The following CTNNA3 variants were observed in gnomAD, a reference collection of about 807,000 sequenced individuals.
CTNNA3 encodes catenin alpha-3.
In CTNNA3, 76 loss-of-function variants were observed where a neutral mutation model predicts 95.7. The ratio of observed to expected loss-of-function variants is 0.79; its 90% CI spans 0.66 to 0.96. The LOEUF is 0.96. CTNNA3 is among the 40% of genes least tolerant of loss of function. The probability of loss-of-function intolerance (pLI) is 0.00; values close to 1 mark genes in which losing one functional copy is unlikely to be tolerated. For missense variants in CTNNA3, 1,191 were observed against 1,089.8 expected (o/e 1.09, Z -1.31); for synonymous variants, 431 against 374.4 (o/e 1.15, Z -1.74).
chr10:66,862,515 T>C (rs1232336686), intron 7 of CTNNA3, among the ~76,000 whole-genome samples: 2 of 152,042 alleles, frequency 1.3e-5, no homozygotes, highest in African/African-American at 4.8e-5. Flanking sequence ...GGAGGGGATA[T>C]GGAACAGAGA....
At chr10:66,518,365 A>G (rs1840936966) in intron 11 of CTNNA3, among the ~76,000 whole-genome samples, 1 of 152,138 alleles carries the variant, frequency 6.6e-6, no homozygotes, top group Non-Finnish European at 1.5e-5. Context: ...ATGTGCTGTC[A>G]GTATTACTAT....
intron 7 of CTNNA3, among the ~76,000 whole-genome samples, chr10:66,779,348 TTC>T (rs1180747984): frequency 1.1e-4 from 2 of 18,824 alleles, no homozygotes; most frequent in Admixed American, 7.7e-4. Context: ...CTTCTTTCTT[TTC>T]TTTCTTTTCT....
At chr10:66,726,597 G>A (rs979300716) in intron 9 of CTNNA3, among the ~76,000 whole-genome samples, 48 of 152,038 alleles carry the variant, frequency 3.2e-4, no homozygotes, top group African/African-American at 1.1e-3. Context: ...GACAAGGTAA[G>A]AGCTAAAAGT....
intron 9 of CTNNA3, among the ~76,000 whole-genome samples, chr10:66,674,105 T>C (rs1846761260): frequency 2.0e-5 from 3 of 152,010 alleles, no homozygotes; most frequent in Admixed American, 2.0e-4. Context: ...ATCAATTCCA[T>C]CTATTCTTAT....
chr10:66,097,657 A>G (rs901026553), intron 14 of CTNNA3, among the ~76,000 whole-genome samples: 3 of 152,082 alleles, frequency 2.0e-5, no homozygotes, highest in Non-Finnish European at 4.4e-5. Flanking sequence ...TTGCTCACCT[A>G]TTCTATTCCC....
intron 7 of CTNNA3, among the ~76,000 whole-genome samples, chr10:67,166,531 T>A (rs1055722396): frequency 6.6e-6 from 1 of 152,230 alleles, no homozygotes; most frequent in Non-Finnish European, 1.5e-5. Context: ...CTATTCTTTG[T>A]AATAGAATCC....
intron 5 of CTNNA3, among the ~76,000 whole-genome samples, chr10:67,338,699 T>A (rs1842076873): frequency 6.6e-6 from 1 of 152,130 alleles, no homozygotes; most frequent in Admixed American, 6.5e-5. Flanking sequence ...CATGAAGCAA[T>A]TGTGTATAAG....
chr10:66,278,193 A>AC (rs1300880676), intron 13 of CTNNA3, among the ~76,000 whole-genome samples: 4 of 148,034 alleles, frequency 2.7e-5, no homozygotes, highest in Non-Finnish European at 6.0e-5. Context: ...TACAAGATAA[A>AC]AAAAAGGAAA....
intron 13 of CTNNA3, among the ~76,000 whole-genome samples, chr10:66,259,148 C>A (rs2090902297): frequency 1.3e-5 from 2 of 152,146 alleles, no homozygotes; most frequent in African/African-American, 2.4e-5. Flanking sequence ...GATGACTATG[C>A]AATCCCAATA....
At chr10:66,453,467 G>A (rs998077220) in intron 11 of CTNNA3, among the ~76,000 whole-genome samples, 1 of 152,220 alleles carries the variant, frequency 6.6e-6, no homozygotes, top group Non-Finnish European at 1.5e-5. Flanking sequence ...TTTGGCTGGA[G>A]ATCCGGCCAG....
At chr10:67,714,906 G>A (rs978089903) in intron 1 of CTNNA3, among the ~76,000 whole-genome samples, 4 of 152,188 alleles carry the variant, frequency 2.6e-5, no homozygotes, top group African/African-American at 9.6e-5. Flanking sequence ...CACCATGTGA[G>A]ACATGTCTTT....
rs1344070839 is a variant in CTNNA3 at position 66,381,854 on chromosome 10, T to C, written c.1532-2502A>G. Reference sequence around the variant, plus strand: ...CATATGTATATTATCATATTTCCCCTGGAACAGAAGTATAGGTTGGACCTT... The same window carrying C: ...CATATGTATATTATCATATTTCCCCCGGAACAGAAGTATAGGTTGGACCTT... On this transcript the variant is annotated intron_variant, in intron 11 of 17. Transcript: ENST00000433211. 3.3e-5 allele frequency among the ~76,000 whole-genome samples: 5 copies of C among 152,170 alleles called. No homozygotes were observed. In the East Asian group the frequency reaches 7.7e-4, roughly 23 times the overall value.
chr10:67,636,495 G>A (rs538200750), intron 2 of CTNNA3, among the ~76,000 whole-genome samples: 102 of 152,252 alleles, frequency 6.7e-4, no homozygotes, highest in Admixed American at 2.6e-3. Flanking sequence ...GAACAGAATA[G>A]GGAACTCAGA....
At chr10:66,393,148 T>G (rs1589186545) in intron 11 of CTNNA3, among the ~76,000 whole-genome samples, 1 of 152,120 alleles carries the variant, frequency 6.6e-6, no homozygotes, top group African/African-American at 2.4e-5. Context: ...AAAGGCTACA[T>G]ACTGTATGAT....
intron 11 of CTNNA3, among the ~76,000 whole-genome samples, chr10:66,429,296 G>A (rs2093273701): frequency 6.6e-6 from 1 of 152,038 alleles, no homozygotes; most frequent in Non-Finnish European, 1.5e-5. Flanking sequence ...AGGACCAGAC[G>A]GATTCACAGC....
At chr10:66,587,558 C>T (rs114310349) in intron 10 of CTNNA3, among the ~76,000 whole-genome samples, 2,158 of 152,206 alleles carry the variant, frequency 0.014, 51 homozygotes, top group African/African-American at 0.049. Context: ...CATGCAGGCA[C>T]AAGCAGCGGC....
chr10:66,056,760 T>C (rs1437443624), intron 15 of CTNNA3, among the ~76,000 whole-genome samples: 1 of 152,194 alleles, frequency 6.6e-6, no homozygotes, highest in Non-Finnish European at 1.5e-5. Flanking sequence ...GGTACTTGCA[T>C]ATGGTTAGGA....
chr10:67,131,469 C>T (rs1335835285), intron 7 of CTNNA3, among the ~76,000 whole-genome samples: 1 of 151,990 alleles, frequency 6.6e-6, no homozygotes, highest in Non-Finnish European at 1.5e-5. Flanking sequence ...TATTAAAACA[C>T]ATTATGCTTT....
rs148566260 is a variant in CTNNA3, at chr10:66,621,249, T to A, written c.1374+443A>T. On this transcript the variant is annotated intron_variant, in intron 10 of 17. Coordinates refer to ENST00000433211, the MANE Select transcript of CTNNA3 (RefSeq NM_013266.4). Reference sequence around the variant, plus strand: ...ACCTTTGCCTCAGGAGATTCCAATATGGCCACTTAAAGAATGTCAGTCTTT... The same window carrying A: ...ACCTTTGCCTCAGGAGATTCCAATAAGGCCACTTAAAGAATGTCAGTCTTT... Among the ~76,000 whole-genome samples the A allele has an allele frequency of 2.2e-4, 34 of 152,304 alleles. No homozygotes were observed. In the East Asian group the frequency reaches 6.4e-3, roughly 29 times the overall value.
Sources: gnomAD v4.1 joint callset for allele counts (sites outside exome capture counted in the v4.1 genomes callset) on GRCh38, gnomAD v4.1.1 for gene constraint, MANE v1.5 for transcripts, NCBI Gene and HGNC (gene_info 2026-07-23, HGNC 2026-07-21) for gene names.